Variants in BRINP3 observed in about 807,000 individuals in gnomAD.
The protein encoded by BRINP3 is BMP/retinoic acid-inducible neural-specific protein 3.
In BRINP3, 19 loss-of-function variants were observed where a neutral mutation model predicts 71.0. The ratio of observed to expected loss-of-function variants is 0.27; its 90% CI spans 0.19 to 0.39. The LOEUF is 0.39. Among genes scored for constraint, BRINP3 ranks in the 10% least tolerant of loss-of-function variants. The pLI is 1.00. For missense variants in BRINP3, 959 were observed against 940.8 expected, an observed-to-expected ratio of 1.02 and a Z score of -0.25; for synonymous variants, 380 against 337.7, an observed-to-expected ratio of 1.13 and a Z score of -1.37.
intron 6 of BRINP3, among the ~76,000 whole-genome samples, chr1:190,164,641 A>G (rs1039146560): frequency 1.3e-5 from 2 of 152,106 alleles, no homozygotes; most frequent in African/African-American, 2.4e-5. Context: ...CCCAGGCTGA[A>G]GTAGGGTGGC....
intron 4 of BRINP3, among the ~76,000 whole-genome samples, chr1:190,236,924 A>G (rs1658577785): frequency 6.6e-6 from 1 of 151,888 alleles, no homozygotes; most frequent in Non-Finnish European, 1.5e-5. Flanking sequence ...TTTCTAAGTA[A>G]AATTGGCATT....
intron 1 of BRINP3, among the ~76,000 whole-genome samples, chr1:190,465,374 C>T (rs1380584903): frequency 6.6e-6 from 1 of 151,890 alleles, no homozygotes; most frequent in Non-Finnish European, 1.5e-5. Flanking sequence ...TAGTCAGGCT[C>T]CTGTTAACTC....
At chr1:190,289,030 TA>T (rs1247890892) in intron 2 of BRINP3, among the ~76,000 whole-genome samples, 1 of 151,880 alleles carries the variant, frequency 6.6e-6, no homozygotes, top group Non-Finnish European at 1.5e-5. Context: ...GATTTTTTTT[TA>T]AACCATGGAT....
chr1:190,233,104 C>T (rs565000097), intron 5 of BRINP3, among the ~76,000 whole-genome samples: 22 of 151,942 alleles, frequency 1.4e-4, no homozygotes, highest in Admixed American at 1.4e-3. Context: ...TTACATTTTT[C>T]TTTTAATTAA....
intron 4 of BRINP3, among the ~76,000 whole-genome samples, chr1:190,258,917 T>A (rs1660919739): frequency 6.6e-6 from 1 of 151,978 alleles, no homozygotes; most frequent in East Asian, 1.9e-4. Context: ...AGTTGGAGGA[T>A]CTCTTAAGCC....
chr1:190,406,618 A>T (rs925029961), intron 2 of BRINP3, among the ~76,000 whole-genome samples: 2 of 152,164 alleles, frequency 1.3e-5, no homozygotes, highest in Non-Finnish European at 1.5e-5. Flanking sequence ...TAAAATAGGC[A>T]AGCATTTGTA....
At chr1:190,265,687 C>G (rs1277372614) in intron 3 of BRINP3, among the ~76,000 whole-genome samples, 1 of 151,240 alleles carries the variant, frequency 6.6e-6, no homozygotes, top group Non-Finnish European at 1.5e-5. Context: ...TGCACTCCAG[C>G]CTGGGCGACA....
chr1:190,420,252 C>T (rs1425835072), intron 2 of BRINP3, among the ~76,000 whole-genome samples: 1 of 151,964 alleles, frequency 6.6e-6, no homozygotes, highest in African/African-American at 2.4e-5. Flanking sequence ...ATATATCACA[C>T]TCACTAAACA....
rs114547279 is a variant in BRINP3, at chr1:190,333,755, C to T, written c.237-52005G>A. On this transcript the variant is annotated intron_variant, in intron 2 of 7. Transcript: ENST00000367462. ...ATTACCAACATCTACTTAAACATTT[C>T]CTGGGAAAAGGAGTTCAATTTCTTG... is the stretch of plus-strand genomic sequence containing the variant. Among the ~76,000 whole-genome samples, 1,268 of 152,020 alleles carry T rather than the reference C, an allele frequency of 8.3e-3. 11 individuals are homozygous for T. Among genetic ancestry groups the T allele is most frequent in the Middle Eastern group, 0.014 (4 of 294 alleles).
intron 2 of BRINP3, among the ~76,000 whole-genome samples, chr1:190,353,873 A>ATAATCACCTTGCCTTCTCTG (rs1668561554): frequency 6.6e-6 from 1 of 151,980 alleles, no homozygotes; most frequent in Non-Finnish European, 1.5e-5. Flanking sequence ...CATCCTCTAA[A>ATAATCACCTTGCCTTCTCTG]TAATCACCTT....
intron 6 of BRINP3, among the ~76,000 whole-genome samples, chr1:190,179,550 C>G (rs1652846881): frequency 6.6e-6 from 1 of 152,130 alleles, no homozygotes; most frequent in African/African-American, 2.4e-5. Context: ...AACCCAGTGT[C>G]TGTCCCTAAC....
At chr1:190,199,801 CAAAA>C (rs112424725) in intron 6 of BRINP3, among the ~76,000 whole-genome samples, 1 of 138,494 alleles carries the variant, frequency 7.2e-6, no homozygotes, top group Non-Finnish European at 1.6e-5. Flanking sequence ...CAAAAACAAA[CAAAA>C]AAAAAACCTA....
intron 7 of BRINP3, among the ~76,000 whole-genome samples, chr1:190,119,801 G>C (rs905786816): frequency 1.3e-5 from 2 of 152,166 alleles, no homozygotes; most frequent in Non-Finnish European, 2.9e-5. Flanking sequence ...CTTAAGCTGG[G>C]AGTCCCAGAT....
At chr1:190,296,980 C>T (rs920168447) in intron 2 of BRINP3, among the ~76,000 whole-genome samples, 1 of 151,784 alleles carries the variant, frequency 6.6e-6, no homozygotes, top group Non-Finnish European at 1.5e-5. Flanking sequence ...TCATGCTATC[C>T]AAAATGATCC....
At chr1:190,462,528 A>G (rs371988537) in intron 1 of BRINP3, among the ~76,000 whole-genome samples, 1 of 152,176 alleles carries the variant, frequency 6.6e-6, no homozygotes, top group Non-Finnish European at 1.5e-5. Context: ...AAAATCATAT[A>G]CTAGGATTAT....
intron 2 of BRINP3, among the ~76,000 whole-genome samples, chr1:190,374,746 A>C (rs1230300092): frequency 6.6e-6 from 1 of 151,978 alleles, no homozygotes; most frequent in Non-Finnish European, 1.5e-5. Flanking sequence ...AAAAATGAAA[A>C]ACATTCATTT....
intron 2 of BRINP3, among the ~76,000 whole-genome samples, chr1:190,321,517 A>C (rs964431691): frequency 1.3e-5 from 2 of 152,120 alleles, no homozygotes; most frequent in Non-Finnish European, 2.9e-5. Context: ...AAGTTTGTAG[A>C]ACCAAGTCAA....
intron 7 of BRINP3, among the ~76,000 whole-genome samples, chr1:190,102,726 T>C (rs1651806412): frequency 6.6e-6 from 1 of 152,092 alleles, no homozygotes; most frequent in South Asian, 2.1e-4. Flanking sequence ...ATGCAAACTT[T>C]AAAAAAGCAA....
chr1:190,286,340 T>A (rs375360610), intron 2 of BRINP3, among the ~76,000 whole-genome samples: 7 of 152,280 alleles, frequency 4.6e-5, no homozygotes, highest in African/African-American at 1.7e-4. Context: ...GCTGGTCACA[T>A]AATTGCCACA....
Sources: allele counts gnomAD v4.1 joint callset (sites outside exome capture counted in the v4.1 genomes callset), GRCh38; gene constraint gnomAD v4.1.1; transcripts MANE v1.5; gene names NCBI Gene and HGNC (gene_info 2026-07-23, HGNC 2026-07-21).